The following NXNL2 variants were observed in gnomAD, a reference collection of about 807,000 sequenced individuals.
NXNL2 encodes the protein nucleoredoxin-like protein 2.
A neutral mutation model predicts 11.1 loss-of-function variants in NXNL2; 7 were observed. The observed-to-expected ratio is 0.63, with a 90% CI of 0.36 to 1.18. The LOEUF is 1.18. Ranked by LOEUF, NXNL2 falls within the 50% of genes most tolerant of loss-of-function variation. The probability of loss-of-function intolerance (pLI) is 0.02; values close to 1 mark genes in which losing one functional copy is unlikely to be tolerated. For synonymous variants in NXNL2, 109 were observed against 101.8 expected (o/e 1.07, Z -0.42); for missense variants, 233 against 217.7 (o/e 1.07, Z -0.44).
chr9:88,565,773 G>A (rs1830161410), intron 1 of NXNL2, among the ~76,000 whole-genome samples: 1 of 152,160 alleles, frequency 6.6e-6, no homozygotes, highest in Admixed American at 6.5e-5. Context: ...CTGAACTCAT[G>A]TGATCCACCC....
intron 2 of NXNL2, among the ~76,000 whole-genome samples, chr9:88,571,402 G>A (rs921466686): frequency 6.6e-6 from 1 of 152,152 alleles, no homozygotes; most frequent in Non-Finnish European, 1.5e-5. Context: ...TCAGAGCTTG[G>A]AGCTATAGGT....
chr9:88,581,383 G>A (rs913587569), intron 1 of NXNL2, among the ~76,000 whole-genome samples: 2 of 152,116 alleles, frequency 1.3e-5, no homozygotes, highest in African/African-American at 2.4e-5. Flanking sequence ...TACCACTTTT[G>A]GGGGGAGTTT....
At chr9:88,537,456 T>TGA (rs1356091845) in intron 1 of NXNL2, among the ~76,000 whole-genome samples, 1 of 152,188 alleles carries the variant, frequency 6.6e-6, no homozygotes, top group Admixed American at 6.5e-5. Flanking sequence ...AGCTGTGTGC[T>TGA]CCTATCTTCT....
At chr9:88,541,161 TCC>T (rs1829752548) in intron 1 of NXNL2, among the ~76,000 whole-genome samples, 2 of 149,010 alleles carry the variant, frequency 1.3e-5, no homozygotes, top group Non-Finnish European at 1.5e-5. Flanking sequence ...CCCACCAGTG[TCC>T]CCTCAAGGAG....
intron 1 of NXNL2, among the ~76,000 whole-genome samples, chr9:88,537,311 T>C (rs7856725): frequency 0.36 from 54,390 of 151,978 alleles, 17,669 homozygotes; most frequent in African/African-American, 0.83. Flanking sequence ...GGGTGGTGAG[T>C]CTTGGTCCCC....
At chr9:88,547,078 G>A (rs1298233859), downstream of NXNL2, among the ~76,000 whole-genome samples, 2 of 152,242 alleles carry the variant, frequency 1.3e-5, no homozygotes, top group Admixed American at 6.5e-5. Context: ...TGAAAGACAT[G>A]CAGCATCGTG....
intron 2 of NXNL2, among the ~76,000 whole-genome samples, chr9:88,572,534 C>G (rs1040111845): frequency 6.6e-6 from 1 of 152,182 alleles, no homozygotes; most frequent in Admixed American, 6.5e-5. Context: ...TGGAGACGCC[C>G]TCAGACTGGG....
At chr9:88,564,604 C>CG (rs1359333747) in intron 1 of NXNL2, among the ~76,000 whole-genome samples, 1 of 151,798 alleles carries the variant, frequency 6.6e-6, no homozygotes, top group African/African-American at 2.4e-5. Context: ...TTAGTAGAGA[C>CG]GGGGTTTCTC....
chr9:88,554,833 A>T (rs907170637), intron 1 of NXNL2, among the ~76,000 whole-genome samples: 4 of 152,138 alleles, frequency 2.6e-5, no homozygotes, highest in African/African-American at 9.7e-5. Context: ...GGGCCCTATA[A>T]ATTTTTATAC....
chr9:88,575,044 G>T (rs1830329003), intron 2 of NXNL2: 1 of 638,468 alleles, frequency 1.6e-6, no homozygotes, highest in Admixed American at 6.3e-5. Context: ...GTCATTAAAA[G>T]ATCTGGCACT....
chr9:88,575,187 C>G (rs1294343175), exon 3 of NXNL2: 8 of 983,540 alleles, frequency 8.1e-6, no homozygotes, highest in Middle Eastern at 1.0e-3. Context: ...CTGCATTCTG[C>G]GAGTCTGTGC....
chr9:88,542,177 A>G (rs13285062), intron 1 of NXNL2, among the ~76,000 whole-genome samples: 8 of 151,916 alleles, frequency 5.3e-5, no homozygotes, highest in Admixed American at 5.2e-4. Context: ...AGCTTGCAGT[A>G]AGCCGAGATT....
At chr9:88,578,805 A>T (rs557580924), downstream of NXNL2, among the ~76,000 whole-genome samples, 11 of 152,330 alleles carry the variant, frequency 7.2e-5, 1 homozygote, top group South Asian at 1.5e-3. Context: ...GGCCTTTCTG[A>T]GCAACCTGGA....
In NXNL2 at chr9:88,554,756, C is replaced by G. The variant is rs559569574; in HGVS notation, c.303-16331C>G. ...GCAGGTTACCGTCTCGTTTACATAT[C>G]TCACCTGAATGAGGCTCCTCTTTTT... On this transcript the variant is annotated intron_variant, in intron 1 of 2. Coordinates refer to the NXNL2 transcript ENST00000375855. Among the ~76,000 whole-genome samples the G allele has an allele frequency of 3.9e-5, 6 of 152,268 alleles. No homozygotes were observed. In the South Asian group the frequency reaches 1.2e-3, roughly 32 times the overall value.
At chr9:88,551,081 A>G (rs961911525) in intron 1 of NXNL2, among the ~76,000 whole-genome samples, 13 of 151,988 alleles carry the variant, frequency 8.6e-5, no homozygotes, top group Admixed American at 6.5e-4. Context: ...AGCGTGGTCT[A>G]TTCTCTCTCA....
intron 1 of NXNL2, chr9:88,539,721 C>G (rs1829709326): frequency 6.8e-6 from 1 of 147,978 alleles, no homozygotes; most frequent in South Asian, 2.1e-4. Flanking sequence ...GAGTTTCGCT[C>G]TTGTTGCCCA....
At chr9:88,545,631 C>G (rs1245509383), downstream of NXNL2, among the ~76,000 whole-genome samples, 1 of 152,160 alleles carries the variant, frequency 6.6e-6, no homozygotes, top group Non-Finnish European at 1.5e-5. Flanking sequence ...TGAGACCCAG[C>G]CTCCTGGGGG....
chr9:88,554,412 C>T (rs766549910), intron 1 of NXNL2, among the ~76,000 whole-genome samples: 15 of 152,074 alleles, frequency 9.9e-5, no homozygotes, highest in Non-Finnish European at 1.9e-4. Flanking sequence ...ACCATGTTGG[C>T]CAGGCTGGTC....
At chr9:88,547,964 C>T (rs565090540), downstream of NXNL2, among the ~76,000 whole-genome samples, 21 of 151,100 alleles carry the variant, frequency 1.4e-4, no homozygotes, top group African/African-American at 4.9e-4. Context: ...TGCAGTGAGC[C>T]GAGATCATAC....
Sources: allele counts gnomAD v4.1 joint callset (sites outside exome capture counted in the v4.1 genomes callset), GRCh38; gene constraint gnomAD v4.1.1; transcripts MANE v1.5; gene names NCBI Gene and HGNC (gene_info 2026-07-23, HGNC 2026-07-21).